TPD52L1: variants seen among roughly 807,000 people sequenced by gnomAD.
TPD52L1 encodes TPD52 like 1.
Under a neutral mutation model 28.7 loss-of-function variants are expected in TPD52L1, and 18 were observed. The observed-to-expected ratio is 0.63, with a 90% CI of 0.43 to 0.93. The LOEUF (loss-of-function observed/expected upper bound fraction) is 0.93. Ranked by LOEUF, TPD52L1 falls within the 40% of genes least tolerant of loss-of-function variation. The probability of loss-of-function intolerance (pLI) is 0.00; values close to 1 mark genes in which losing one functional copy is unlikely to be tolerated. For missense variants in TPD52L1, 203 were observed against 254.8 expected (o/e 0.80, Z 1.39); for synonymous variants, 75 against 88.8 (o/e 0.84, Z 0.88).
At chr6:125,189,401 A>T (rs1420936358) in intron 1 of TPD52L1, among the ~76,000 whole-genome samples, 1 of 152,214 alleles carries the variant, frequency 6.6e-6, no homozygotes, top group Admixed American at 6.5e-5. Context: ...TACTTTGACT[A>T]CAAAGTAAAA....
At chr6:125,172,099 C>CCTTTCTTTCTTT (rs549747240) in intron 1 of TPD52L1, among the ~76,000 whole-genome samples, 18 of 76,206 alleles carry the variant, frequency 2.4e-4, no homozygotes, top group Admixed American at 4.3e-4. Context: ...TCTTTCTTTC[C>CCTTTCTTTCTTT]CTTTCTTTCT....
chr6:125,184,127 C>T (rs1385447412), intron 1 of TPD52L1, among the ~76,000 whole-genome samples: 1 of 152,116 alleles, frequency 6.6e-6, no homozygotes, highest in East Asian at 1.9e-4. Flanking sequence ...CTAAACTGAG[C>T]TTTCATGAAC....
intron 3 of TPD52L1, among the ~76,000 whole-genome samples, chr6:125,247,998 T>G (rs1350106163): frequency 6.6e-6 from 1 of 152,240 alleles, no homozygotes; most frequent in African/African-American, 2.4e-5. Context: ...TTCTGCTCAC[T>G]GAGCAGTTCC....
chr6:125,207,431 C>T (rs13192014), intron 1 of TPD52L1, among the ~76,000 whole-genome samples: 36,080 of 152,104 alleles, frequency 0.24, 5,216 homozygotes, highest in Admixed American at 0.38. Context: ...CTATGGAAGA[C>T]GATTCTCCAT....
intron 1 of TPD52L1, among the ~76,000 whole-genome samples, chr6:125,170,824 C>G (rs945310592): frequency 3.9e-5 from 6 of 152,118 alleles, no homozygotes; most frequent in African/African-American, 1.2e-4. Flanking sequence ...TCTAGCTGAG[C>G]CTTTGTTTAG....
chr6:125,188,679 T>C (rs929652371), intron 1 of TPD52L1, among the ~76,000 whole-genome samples: 2 of 152,168 alleles, frequency 1.3e-5, no homozygotes, highest in Non-Finnish European at 2.9e-5. Flanking sequence ...ATTTAAAAAA[T>C]ACTGATCACA....
chr6:125,229,209 T>A lies in TPD52L1; in HGVS notation c.227T>A (p.Met76Lys), dbSNP rs1436999202. The A allele has an allele frequency of 2.5e-6, 4 of 1,613,704 alleles. No individual in the cohort carries two copies. Among genetic ancestry groups the A allele is most frequent in the Non-Finnish European group, 2.5e-6 (3 of 1,179,808 alleles). Residue 76 changes from methionine to lysine, a missense_variant, in exon 3 of 7, where the codon ATG (methionine) becomes AAG (lysine). Physicochemically the swap from Met to Lys is moderately conservative, Grantham distance 95. Coordinates refer to ENST00000534000, the MANE Select transcript of TPD52L1 (RefSeq NM_003287.4). ...AAACAAAAACTCGGCATGAACCTGA[T>A]GAATGAATTAAAACAGAACTTCAGC... The part of the protein sequence containing the change: ...EIKQKLGMNL[M>K]NELKQNFSKS...
At chr6:125,260,570 C>T (rs1224729953) in intron 6 of TPD52L1, among the ~76,000 whole-genome samples, 3 of 152,026 alleles carry the variant, frequency 2.0e-5, no homozygotes, top group South Asian at 2.1e-4. Context: ...TTTGGGAGGC[C>T]GAGGCGGGCA....
chr6:125,207,139 C>A lies in TPD52L1; in HGVS notation c.20-12939C>A, dbSNP rs536013750. 2.0e-5 allele frequency among the ~76,000 whole-genome samples: 3 copies of A among 152,278 alleles called. No individual in the cohort carries two copies. In the South Asian group the frequency reaches 6.2e-4, roughly 32 times the overall value. The stretch of plus-strand genomic sequence containing the variant: ...AAGAGTTTGGGAGACATAAGCCACC[C>A]TGGACCTTTCCTAGTGGTCGATGTG... On this transcript the variant is annotated intron_variant, in intron 1 of 6. Transcript: ENST00000534000.
intron 1 of TPD52L1, among the ~76,000 whole-genome samples, chr6:125,206,512 G>GT (rs1457612269): frequency 3.3e-5 from 5 of 152,050 alleles, no homozygotes; most frequent in Non-Finnish European, 7.4e-5. Flanking sequence ...GGAAAAAGAG[G>GT]TTTTCTAGAG....
intron 2 of TPD52L1, among the ~76,000 whole-genome samples, chr6:125,228,503 T>C (rs747731647): frequency 5.3e-5 from 8 of 152,178 alleles, no homozygotes; most frequent in Non-Finnish European, 1.2e-4. Flanking sequence ...TGTCTGCCAA[T>C]TCCATTCCTG....
rs1795250078 is a variant in TPD52L1, at chr6:125,221,810, TA to T, written c.135+1619del. On this transcript the variant is annotated intron_variant, in intron 2 of 6. Coordinates refer to ENST00000534000, the MANE Select transcript of TPD52L1 (RefSeq NM_003287.4). ...AGTTTTTGAGCCTGACTTCTGGAAA[TA>T]ACACCAGACTCTTTGTTACTGTGTT... The T allele has an allele frequency of 3.3e-5, 5 of 152,316 alleles. No individual in the cohort carries two copies. In the South Asian group the frequency reaches 1.0e-3, roughly 32 times the overall value. The allele number at this position is 152,316 out of a possible 1,614,324, so 9.4% of individuals were successfully genotyped here. A position where few individuals can be genotyped will look rare whatever the true frequency, so the allele number is the denominator to read the frequency against.
At chr6:125,172,527 TATATATATATATATATATATATATA>T (rs1430763379) in intron 1 of TPD52L1, among the ~76,000 whole-genome samples, 2 of 75,702 alleles carry the variant, frequency 2.6e-5, no homozygotes, top group South Asian at 4.1e-4. Context: ...TATATATATA[TATATATATATATATATATATATATA>T]ATATATATAC....
At chr6:125,201,416 TG>T (rs149081487) in intron 1 of TPD52L1, among the ~76,000 whole-genome samples, 3,590 of 152,308 alleles carry the variant, frequency 0.024, 57 homozygotes, top group Non-Finnish European at 0.036. Context: ...TGAATACTGG[TG>T]CCCTACTGAT....
intron 1 of TPD52L1, among the ~76,000 whole-genome samples, chr6:125,173,664 G>T (rs764390688): frequency 6.6e-6 from 1 of 152,018 alleles, no homozygotes; most frequent in African/African-American, 2.4e-5. Context: ...ATATATATGC[G>T]TACATACATA....
chr6:125,220,017 G>A, intron 1 of TPD52L1, 61 bp from the exon 2 acceptor site: 2 of 1,192,812 alleles, frequency 1.7e-6, no homozygotes, highest in Non-Finnish European at 2.5e-6. Flanking sequence ...CACTATGGAA[G>A]CAGAAGTTGG....
intron 1 of TPD52L1, among the ~76,000 whole-genome samples, chr6:125,155,784 C>T (rs1024019155): frequency 3.3e-5 from 5 of 152,164 alleles, no homozygotes; most frequent in African/African-American, 9.7e-5. Flanking sequence ...CTCTGTTCTT[C>T]GTGCTTTGCA....
At chr6:125,180,647 G>A (rs562762769) in intron 1 of TPD52L1, among the ~76,000 whole-genome samples, 6 of 151,976 alleles carry the variant, frequency 3.9e-5, no homozygotes, top group Middle Eastern at 3.4e-3. Flanking sequence ...GATAGAGGAC[G>A]TAAAGGAGAG....
At chr6:125,215,357 T>C (rs918413031) in intron 1 of TPD52L1, among the ~76,000 whole-genome samples, 2 of 152,226 alleles carry the variant, frequency 1.3e-5, no homozygotes. Context: ...ATTGCTGCTT[T>C]CCTAACTCAG....
Sources: allele counts gnomAD v4.1 joint callset (sites outside exome capture counted in the v4.1 genomes callset), GRCh38; gene constraint gnomAD v4.1.1; transcripts MANE v1.5; gene names NCBI Gene and HGNC (gene_info 2026-07-23, HGNC 2026-07-21).